WDR74: variants seen among roughly 807,000 people sequenced by gnomAD.
The protein encoded by WDR74 is WD repeat-containing protein 74.
Under a neutral mutation model 45.6 loss-of-function variants are expected in WDR74, and 31 were observed. The ratio of observed to expected loss-of-function variants is 0.68; its 90% CI spans 0.51 to 0.92. WDR74 has a LOEUF of 0.92. Among genes scored for constraint, WDR74 ranks in the 40% least tolerant of loss-of-function variants. The pLI is 0.00. For synonymous variants in WDR74, 191 were observed against 192.4 expected (o/e 0.99, Z 0.06); for missense variants, 455 against 497.2 (o/e 0.92, Z 0.81).
At chr11:62,841,261 G>A (rs77332374), upstream of WDR74, among the ~76,000 whole-genome samples, 11,043 of 152,204 alleles carry the variant, frequency 0.073, 439 homozygotes, top group East Asian at 0.15. Flanking sequence ...ATGTTGCAGT[G>A]AGCTGAGATC....
At chr11:62,834,214 G>C (rs2084923486) in intron 8 of WDR74, 62 bp downstream of exon 8, 2 of 1,609,928 alleles carry the variant, frequency 1.2e-6, no homozygotes. Context: ...CACCACCTTA[G>C]AGGGAATCCT....
At chr11:62,839,695 A>T, upstream of WDR74, 1 of 1,212,218 alleles carries the variant, frequency 8.2e-7, no homozygotes, top group Non-Finnish European at 1.1e-6. Flanking sequence ...TAAAGCTTCC[A>T]TGCTTGTTTT....
chr11:62,838,758 T>A (rs2084997215), intron 3 of WDR74, among the ~76,000 whole-genome samples: 1 of 131,908 alleles, frequency 7.6e-6, no homozygotes, highest in African/African-American at 3.3e-5. Context: ...AAACTCCGTC[T>A]CCAAAAAAAA....
intron 3 of WDR74, among the ~76,000 whole-genome samples, chr11:62,837,022 G>A (rs895286355): frequency 6.6e-6 from 1 of 152,164 alleles, no homozygotes; most frequent in Non-Finnish European, 1.5e-5. Context: ...GTTGCAGTGA[G>A]CCGAGATCAT....
upstream of WDR74, chr11:62,841,779 C>T (rs1283880220): frequency 6.6e-6 from 1 of 152,238 alleles, no homozygotes; most frequent in African/African-American, 2.4e-5. Context: ...AGATACTACA[C>T]TTGATCTTAG....
chr11:62,841,211 G>A (rs1214272041), upstream of WDR74, among the ~76,000 whole-genome samples: 5 of 152,146 alleles, frequency 3.3e-5, no homozygotes, highest in East Asian at 7.7e-4. Context: ...CAGCCACTCG[G>A]GAGGCTGATG....
intron 3 of WDR74, 70 bp downstream of exon 3, chr11:62,839,044 A>G: frequency 1.9e-6 from 3 of 1,589,118 alleles, no homozygotes; most frequent in Non-Finnish European, 1.7e-6. Context: ...TGTCGCCATC[A>G]TTCCAGTATC....
chr11:62,833,096 C>T lies in WDR74; in HGVS notation c.1014G>A (p.Val338=), dbSNP rs374425796. 4.2e-5 allele frequency: 68 copies of T among 1,612,714 alleles called. No individual in the cohort carries two copies. Among genetic ancestry groups the T allele is most frequent in the Non-Finnish European group, 4.8e-5 (57 of 1,179,516 alleles). The change falls in exon 11 of 11, where the codon GTG becomes GTA. Residue 338 remains valine, a synonymous_variant. Coordinates refer to ENST00000278856, the MANE Select transcript of WDR74 (RefSeq NM_001369450.1). The part of the protein sequence containing the change: ...EPQEPQEPNK[V]PLEDTETDEL... ...CATCTGTCTCTGTGTCTTCTAGGGG[C>T]ACCTTGTTGGGTTCTTGAGGCTCTT...
chr11:62,833,455 C>T, intron 10 of WDR74, 163 bp downstream of exon 10: 2 of 870,122 alleles, frequency 2.3e-6, no homozygotes, highest in Middle Eastern at 7.1e-4. Flanking sequence ...TGGCAATAAC[C>T]CTCTCAGGAT....
chr11:62,833,296 T>TAAA (rs1048706100), intron 10 of WDR74, among the ~76,000 whole-genome samples, 165 bp from the exon 11 acceptor site: 6 of 50,860 alleles, frequency 1.2e-4, no homozygotes, highest in Admixed American at 2.4e-4. Context: ...AAAAGAAGTT[T>TAAA]AAAAAAAAAA....
At chr11:62,835,299 G>T in intron 6 of WDR74, 132 bp downstream of exon 6, 1 of 764,292 alleles carries the variant, frequency 1.3e-6, no homozygotes, top group Non-Finnish European at 2.1e-6. Context: ...GGACAGGGTT[G>T]GAACAGACGG....
chr11:62,841,373 G>A (rs925589481), upstream of WDR74, among the ~76,000 whole-genome samples: 5 of 152,042 alleles, frequency 3.3e-5, no homozygotes, highest in Non-Finnish European at 5.9e-5. Context: ...GGTGGCAAGC[G>A]CTCAATAGTT....
Position 62,836,016 on chromosome 11 carries a change from T to C in WDR74, c.314A>G (p.Asp105Gly). The C allele has an allele frequency of 6.3e-7, 1 of 1,594,546 alleles. No individual in the cohort carries two copies. The highest frequency in any genetic ancestry group is 8.5e-7 in the Non-Finnish European group (1 of 1,170,328). Residue 105 changes from aspartate to glycine, a missense_variant, in exon 4 of 11, where the codon GAT becomes GGT. Physicochemically the swap from Asp to Gly is moderately conservative, Grantham distance 94 (BLOSUM62 -1). Coordinates refer to ENST00000278856, the MANE Select transcript of WDR74 (RefSeq NM_001369450.1). ...ATGCCAGACTCTGAGAATCCCAGAA[T>C]CCACACATGTGATGAGGGTGCTGCA... ...QADGTLITCV[D>G]SGILRVWHDK...
In WDR74 at chr11:62,834,472, T is replaced by C. The variant is rs368515295; in HGVS notation, c.674A>G (p.Tyr225Cys). 16 of 1,577,684 alleles carry C rather than the reference T, an allele frequency of 1.0e-5. No homozygotes were observed. The highest frequency in any genetic ancestry group is 1.7e-4 in the Middle Eastern group (1 of 5,910). ...PQRRPVLETT[Y>C]GEYPLTAMTL... ...CATGGCTGTTAGTGGGTACTCTCCA[T>C]AGGTGGTCTCTAGGACTGGCCGGCG... Residue 225 changes from tyrosine (Y) to cysteine (C), a missense_variant, in exon 7 of 11, where the codon TAT (tyrosine) becomes TGT (cysteine). By Grantham distance (194) the Tyr-to-Cys change is radical. Coordinates refer to ENST00000278856, the MANE Select transcript of WDR74 (RefSeq NM_001369450.1).
Position 62,835,508 on chromosome 11 carries a change from G to C in WDR74, c.541C>G (p.Arg181Gly), listed in dbSNP as rs373374533. ...ATGTCCTGGTCCCAGATGGGAACCC[G>C]CAAGTCCAGCCAGTCATTCCGCACC... ...KNVRNDWLDL[R>G]VPIWDQDIQF... Residue 181 changes from arginine (R) to glycine (G), a missense_variant, in exon 6 of 11, where the codon CGG becomes GGG. Coordinates refer to ENST00000278856, the MANE Select transcript of WDR74 (RefSeq NM_001369450.1). The C allele has an allele frequency of 8.1e-6, 13 of 1,613,968 alleles. No individual in the cohort carries two copies. The Admixed American group carries it at 1.0e-4, about 12-fold the overall frequency.
chr11:62,835,800 G>A lies in WDR74; in HGVS notation c.411C>T (p.Arg137=). The A allele has an allele frequency of 1.2e-6, 2 of 1,613,350 alleles. No homozygotes were observed. The highest frequency in any genetic ancestry group is 1.7e-6 in the Non-Finnish European group (2 of 1,179,644). The stretch of plus-strand genomic sequence containing the variant: ...CCACATGGGGGTGTGCTGGGTCTTG[G>A]CGCATCCTACACACCCCAGGGCCCA... ...LRVGPGVCRM[R]QDPAHPHVVA... The change falls in exon 5 of 11, where the codon CGC becomes CGT. Residue 137 remains arginine, a synonymous_variant. Transcript: ENST00000278856.
chr11:62,840,554 G>A (rs1475529332), upstream of WDR74, among the ~76,000 whole-genome samples: 1 of 152,064 alleles, frequency 6.6e-6, no homozygotes, highest in East Asian at 1.9e-4. Context: ...TCATCGCTCA[G>A]TAGAAATACA....
chr11:62,834,441 G>C lies in WDR74; in HGVS notation c.705C>G (p.Leu235=). The change falls in exon 7 of 11, where the codon CTC becomes CTG. Residue 235 remains leucine, a synonymous_variant. Coordinates refer to ENST00000278856, the MANE Select transcript of WDR74 (RefSeq NM_001369450.1). Reference sequence around the variant, plus strand: ...TAAACACTCACTTGCCTCCCGGAGTGAGGGTCATGGCTGTTAGTGGGTACT... The same window carrying C: ...TAAACACTCACTTGCCTCCCGGAGTCAGGGTCATGGCTGTTAGTGGGTACT... ...YGEYPLTAMT[L]TPGGNSVIVG... is the part of the protein sequence containing the mutation. The C allele has an allele frequency of 6.2e-7, 1 of 1,609,198 alleles. No individual in the cohort carries two copies. The highest frequency in any genetic ancestry group is 8.5e-7 in the Non-Finnish European group (1 of 1,178,138).
Position 62,835,530 on chromosome 11 carries a change from CA to C in WDR74, c.518del (p.Val173GlyfsTer49). On this transcript the variant is annotated frameshift_variant and splice_region_variant, in exon 6 of 11. Coordinates refer to ENST00000278856, the MANE Select transcript of WDR74 (RefSeq NM_001369450.1). LOFTEE classifies it high-confidence loss of function. Reference protein sequence around the residue: ...SEEPVFRAKNVRNDWLDLRVP... With the variant: ...SEEPVFRAKNXRNDWLDLRVP... ...CCCGCAAGTCCAGCCAGTCATTCCG[CA>C]CCTGGTGGGGTGGGCAGATGGAGGA... 6.2e-7 allele frequency: 1 copy of C among 1,613,938 alleles called. No individual in the cohort carries two copies. The highest frequency in any genetic ancestry group is 2.2e-5 in the East Asian group (1 of 44,884).
Sources: gnomAD v4.1 joint callset for allele counts (sites outside exome capture counted in the v4.1 genomes callset) on GRCh38, gnomAD v4.1.1 for gene constraint, MANE v1.5 for transcripts, NCBI Gene and HGNC (gene_info 2026-07-23, HGNC 2026-07-21) for gene names.